PPFIBP1: variants seen among roughly 807,000 people sequenced by gnomAD.
PPFIBP1 encodes PPFIB scaffold protein 1.
A neutral mutation model predicts 137.8 loss-of-function variants in PPFIBP1; 112 were observed. The ratio of observed to expected loss-of-function variants is 0.81; its 90% CI spans 0.70 to 0.95. The LOEUF (loss-of-function observed/expected upper bound fraction) is 0.95. PPFIBP1 is among the 40% of genes least tolerant of loss of function. The pLI is 0.00. For missense variants in PPFIBP1, 1,083 were observed against 1,196.6 expected, an observed-to-expected ratio of 0.91 and a Z score of 1.40; for synonymous variants, 378 against 417.3, an observed-to-expected ratio of 0.91 and a Z score of 1.15.
At chr12:27,577,946 G>A (rs994133773) in intron 1 of PPFIBP1, among the ~76,000 whole-genome samples, 11 of 152,154 alleles carry the variant, frequency 7.2e-5, no homozygotes, top group African/African-American at 2.2e-4. Flanking sequence ...AGGGAGAGAA[G>A]GGTGGAGTGC....
At position 27,677,076 on chromosome 12, in the gene PPFIBP1, G is replaced by T. The variant is rs144794495; in HGVS notation, c.1595G>T (p.Ser532Ile). ...ASAPNLDRKR[S>I]ASAPTLAETE... ...GGGATATCTGAAGATCGTAAACGAA[G>T]TGCCAGTGCACCCACCCTAGGTATT... The change falls in exon 19 of 30, where the codon AGT (serine) becomes ATT (isoleucine). Residue 532 changes from serine (S) to isoleucine (I), a missense_variant. By Grantham distance (142) the Ser-to-Ile change is moderately radical. Transcript: ENST00000228425. The T allele has an allele frequency of 8.1e-6, 13 of 1,614,188 alleles. No individual in the cohort carries two copies. The highest frequency in any genetic ancestry group is 9.3e-6 in the Non-Finnish European group (11 of 1,180,018).
At chr12:27,644,840 C>T (rs1434315725) in intron 4 of PPFIBP1, among the ~76,000 whole-genome samples, 1 of 151,974 alleles carries the variant, frequency 6.6e-6, no homozygotes, top group Non-Finnish European at 1.5e-5. Context: ...TCTTAGTGGC[C>T]TTTTGGAAAA....
At position 27,646,052 on chromosome 12, in the gene PPFIBP1, C is replaced by A. The variant is rs770870759; in HGVS notation, c.271-10C>A. The A allele has an allele frequency of 1.3e-6, 2 of 1,581,490 alleles. No homozygotes were observed. Among genetic ancestry groups the A allele is most frequent in the East Asian group, 4.5e-5 (2 of 44,646 alleles). ...AAGATCAGCCTTACCCATATTACTT[C>A]CTTTTTCAGACAAATGGACACCTAC... On this transcript the variant is annotated splice_polypyrimidine_tract_variant and intron_variant, in intron 4 of 29. Coordinates refer to ENST00000228425, the MANE Select transcript of PPFIBP1 (RefSeq NM_003622.4).
chr12:27,665,206 A>G (rs2059791436), intron 12 of PPFIBP1, among the ~76,000 whole-genome samples: 1 of 152,200 alleles, frequency 6.6e-6, no homozygotes, highest in Non-Finnish European at 1.5e-5. Flanking sequence ...AGTCAGCAGC[A>G]TGACCTTTGT....
chr12:27,647,064 C>T (rs768569237), intron 5 of PPFIBP1, among the ~76,000 whole-genome samples: 4 of 152,178 alleles, frequency 2.6e-5, no homozygotes, highest in Non-Finnish European at 4.4e-5. Context: ...TGCAGTGGCA[C>T]AATCTTGGCT....
intron 4 of PPFIBP1, among the ~76,000 whole-genome samples, chr12:27,640,968 A>G (rs7973076): frequency 0.27 from 41,824 of 152,090 alleles, 6,243 homozygotes; most frequent in East Asian, 0.43. Flanking sequence ...AGGAGATTTC[A>G]TGGACTGAGC....
chr12:27,535,322 A>C lies in PPFIBP1; in HGVS notation c.-124+10957A>C, dbSNP rs562545440. 6.3e-4 allele frequency among the ~76,000 whole-genome samples: 96 copies of C among 152,354 alleles called. 1 individual carries two copies. Among genetic ancestry groups the C allele is most frequent in the African/African-American group, 2.2e-3 (91 of 41,574 alleles). ...ATTACAGCATGAATTCAATTTAAAA[A>C]TTAAAAAACTAAGCAGTGAAGTTTT... On this transcript the variant is annotated intron_variant, in intron 1 of 29. Transcript: ENST00000228425.
intron 1 of PPFIBP1, among the ~76,000 whole-genome samples, chr12:27,553,666 C>T (rs1320665447): frequency 6.6e-6 from 1 of 152,210 alleles, no homozygotes; most frequent in Non-Finnish European, 1.5e-5. Context: ...TATTCGGGGA[C>T]TCAGCATTCA....
chr12:27,656,249 CT>C (rs1197753767), intron 8 of PPFIBP1, among the ~76,000 whole-genome samples: 4 of 152,138 alleles, frequency 2.6e-5, no homozygotes, highest in African/African-American at 9.7e-5. Context: ...TTTTATTTTG[CT>C]TTTATGACAC....
At chr12:27,642,890 G>C (rs2058213083) in intron 4 of PPFIBP1, among the ~76,000 whole-genome samples, 2 of 151,970 alleles carry the variant, frequency 1.3e-5, no homozygotes, top group South Asian at 4.2e-4. Context: ...AAGGAGTTAA[G>C]AATCAGTTCT....
chr12:27,642,999 G>T (rs1389082805), intron 4 of PPFIBP1, among the ~76,000 whole-genome samples: 1 of 152,010 alleles, frequency 6.6e-6, no homozygotes, highest in Non-Finnish European at 1.5e-5. Context: ...GCTCACACAA[G>T]ATGGCCTTAA....
intron 25 of PPFIBP1, 110 bp from the exon 26 acceptor site, chr12:27,688,188 C>A: frequency 4.1e-6 from 5 of 1,213,286 alleles, no homozygotes; most frequent in Non-Finnish European, 4.6e-6. Flanking sequence ...AGAATTTTTC[C>A]CTTTCTTTTT....
chr12:27,648,703 A>G (rs2058694759), intron 6 of PPFIBP1, among the ~76,000 whole-genome samples: 1 of 152,228 alleles, frequency 6.6e-6, no homozygotes, highest in African/African-American at 2.4e-5. Flanking sequence ...TTGCAACAAC[A>G]TGAATGGAAC....
intron 1 of PPFIBP1, among the ~76,000 whole-genome samples, chr12:27,558,054 A>G (rs190097712): frequency 1.3e-5 from 2 of 152,182 alleles, no homozygotes; most frequent in Admixed American, 6.5e-5. Context: ...ACTCCACAAG[A>G]CTTTGGGTAT....
At chr12:27,550,591 T>C (rs1244729681) in intron 1 of PPFIBP1, among the ~76,000 whole-genome samples, 1 of 152,224 alleles carries the variant, frequency 6.6e-6, no homozygotes, top group African/African-American at 2.4e-5. Context: ...TTACCAGTTT[T>C]ACAGAGATTA....
At chr12:27,607,496 T>TGA (rs2054637332) in intron 2 of PPFIBP1, among the ~76,000 whole-genome samples, 3 of 152,206 alleles carry the variant, frequency 2.0e-5, no homozygotes. Flanking sequence ...GTCTTAAACT[T>TGA]GAGTGCACAT....
rs16932287 is a variant in PPFIBP1 at position 27,686,929 on chromosome 12, A to T, written c.2248-456A>T. 6.8e-3 allele frequency among the ~76,000 whole-genome samples: 1,032 copies of T among 152,328 alleles called. 26 individuals are homozygous for T. In the East Asian group the frequency reaches 0.07, roughly 10 times the overall value. On this transcript the variant is annotated intron_variant, in intron 24 of 29. Transcript: ENST00000228425. ...CTCTTGATCATGTTCACCAATGAGC[A>T]TCATTCGCTCTTCACTATCTGCTGA... is the stretch of plus-strand genomic sequence containing the variant.
At chr12:27,601,601 G>T (rs1161405800) in intron 2 of PPFIBP1, among the ~76,000 whole-genome samples, 1 of 152,138 alleles carries the variant, frequency 6.6e-6, no homozygotes, top group Non-Finnish European at 1.5e-5. Flanking sequence ...ATTAAGTTGT[G>T]CAATTCAGAG....
intron 2 of PPFIBP1, chr12:27,592,461 T>G (rs2052636948): frequency 9.7e-6 from 10 of 1,027,354 alleles, no homozygotes; most frequent in Non-Finnish European, 1.4e-6. Context: ...AATCTGTCTA[T>G]ATAGGATGTC....
Sources: allele counts gnomAD v4.1 joint callset (sites outside exome capture counted in the v4.1 genomes callset), GRCh38; gene constraint gnomAD v4.1.1; transcripts MANE v1.5; gene names NCBI Gene and HGNC (gene_info 2026-07-23, HGNC 2026-07-21).